PAK6: variants seen among roughly 807,000 people sequenced by gnomAD.
PAK6 encodes the protein p21 (RAC1) activated kinase 6.
A neutral mutation model predicts 60.8 loss-of-function variants in PAK6; 33 were observed. The observed-to-expected ratio is 0.54, with a 90% CI of 0.41 to 0.73. The LOEUF is 0.73. PAK6 is among the 30% of genes least tolerant of loss of function. The pLI is 0.00. For missense variants in PAK6, 845 were observed against 904.1 expected (o/e 0.93, Z 0.84); for synonymous variants, 404 against 378.5 (o/e 1.07, Z -0.78).
At position 40,240,590 on chromosome 15, in the gene PAK6, T is replaced by TTG; in HGVS notation, c.-200-9_-200-8insTG. The TTG allele has an allele frequency of 4.6e-6, 2 of 430,700 alleles. No individual in the cohort carries two copies. Among genetic ancestry groups the TTG allele is most frequent in the Non-Finnish European group, 9.1e-6 (2 of 219,830 alleles). 26.7% of individuals were successfully genotyped at this position (430,700 alleles called of 1,614,324 possible). A position where few individuals can be genotyped will look rare whatever the true frequency, so the allele number is the denominator to read the frequency against. On this transcript the variant is annotated splice_polypyrimidine_tract_variant and intron_variant, in intron 1 of 10. Transcript: ENST00000560346. ...TTTTTTTTTTTTTTTTTTTCTATTT[T>TTG]GCCTGAAGGGAGTGCCGCTTCCTGG... is the stretch of plus-strand genomic sequence containing the variant.
chr15:40,264,448 G>T, intron 3 of PAK6: 1 of 491,872 alleles, frequency 2.0e-6, no homozygotes, highest in Admixed American at 2.3e-5. Flanking sequence ...GACAGACAGT[G>T]GAATGATACT....
chr15:40,243,228 A>C (rs940485756), intron 2 of PAK6, among the ~76,000 whole-genome samples: 1 of 152,208 alleles, frequency 6.6e-6, no homozygotes, highest in East Asian at 1.9e-4. Context: ...ACAAAGGAAG[A>C]AGCAGCTTCT....
intron 3 of PAK6, among the ~76,000 whole-genome samples, chr15:40,264,148 T>C (rs910813273): frequency 6.6e-6 from 1 of 152,060 alleles, no homozygotes; most frequent in Non-Finnish European, 1.5e-5. Context: ...AGCATGTCTG[T>C]GATCAGCTGG....
rs555418845 is a variant in PAK6, at chr15:40,265,995, G to A, written c.358G>A (p.Glu120Lys). 1.1e-5 allele frequency: 17 copies of A among 1,601,670 alleles called. No homozygotes were observed. Among genetic ancestry groups the A allele is most frequent in the South Asian group, 4.5e-5 (4 of 89,740 alleles). The change falls in exon 5 of 11, where the codon GAG becomes AAG. Residue 120 changes from glutamate (E) to lysine (K), a missense_variant. Physicochemically the swap from Glu to Lys is moderately conservative, Grantham distance 56. Coordinates refer to ENST00000560346, the Ensembl canonical transcript of PAK6. The stretch of plus-strand genomic sequence containing the variant: ...ACAGTCCCTGGGGCTGCTGGGGGAT[G>A]AGCACTGGGCCACCGACCCAGACAT...
Position 40,275,280 on chromosome 15 carries a change from G to GTTTTTTTTTTTTTTGTTTT in PAK6, c.1879-633_1879-632insGTTTTTTTTTTTTTTTTTT, listed in dbSNP as rs1555389202. Among the ~76,000 whole-genome samples, 6 of 56,486 alleles carry GTTTTTTTTTTTTTTGTTTT rather than the reference G, an allele frequency of 1.1e-4. 1 individual carries two copies. Among genetic ancestry groups the GTTTTTTTTTTTTTTGTTTT allele is most frequent in the Admixed American group, 2.8e-4 (1 of 3,532 alleles). 37.1% of individuals were successfully genotyped at this position (56,486 alleles called of 152,430 possible). On this transcript the variant is annotated intron_variant, in intron 10 of 10. Coordinates refer to ENST00000560346, the Ensembl canonical transcript of PAK6. ...GACTTGTTTGTTTCTGTTGTTGTTG[G>GTTTTTTTTTTTTTTGTTTT]TTTTTTTTTTTTTTTTTTTTTTGGA...
chr15:40,268,390 C>A (rs2039206280), intron 5 of PAK6, among the ~76,000 whole-genome samples: 1 of 152,134 alleles, frequency 6.6e-6, no homozygotes, highest in African/African-American at 2.4e-5. Context: ...TTGGAATAAC[C>A]AAAAATGCCT....
chr15:40,253,171 C>T lies in PAK6; in HGVS notation c.-117-7C>T, dbSNP rs1250013072. The T allele has an allele frequency of 8.8e-6, 4 of 455,406 alleles. No homozygotes were observed. Among genetic ancestry groups the T allele is most frequent in the Non-Finnish European group, 1.8e-5 (4 of 226,582 alleles). The allele number at this position is 455,406 out of a possible 1,614,324, so 28.2% of individuals were successfully genotyped here. On this transcript the variant is annotated splice_polypyrimidine_tract_variant and splice_region_variant and intron_variant, in intron 2 of 10. Transcript: ENST00000560346. The stretch of plus-strand genomic sequence containing the variant: ...CCATAATGCATTTCTGATCTGTTTC[C>T]GCGCAGGCCTGCGGAGGACTGGCCC...
At chr15:40,269,431 G>A (rs1030256205) in intron 5 of PAK6, among the ~76,000 whole-genome samples, 1 of 152,234 alleles carries the variant, frequency 6.6e-6, no homozygotes, top group African/African-American at 2.4e-5. Flanking sequence ...CGGGAAATGA[G>A]GCATTGCTGT....
chr15:40,271,973 A>G (rs939397985), intron 5 of PAK6, among the ~76,000 whole-genome samples: 1 of 152,202 alleles, frequency 6.6e-6, no homozygotes, highest in Non-Finnish European at 1.5e-5. Flanking sequence ...TCCCAGGTGC[A>G]GCAGAGCGAG....
chr15:40,255,133 C>A (rs1348190999), intron 3 of PAK6, among the ~76,000 whole-genome samples: 1 of 152,190 alleles, frequency 6.6e-6, no homozygotes, highest in Non-Finnish European at 1.5e-5. Context: ...GCATAGGGTC[C>A]TAGCTAGGCA....
chr15:40,263,021 C>T (rs1487649724), intron 3 of PAK6, among the ~76,000 whole-genome samples: 2 of 152,192 alleles, frequency 1.3e-5, no homozygotes, highest in African/African-American at 4.8e-5. Context: ...CCTCAAGACC[C>T]AGAAGCATGG....
chr15:40,276,974 CCTGGGAGCTCAGG>C (rs2039474118), exon 11 of PAK6: 1 of 152,130 alleles, frequency 6.6e-6, no homozygotes, highest in Non-Finnish European at 1.5e-5. Flanking sequence ...GTCTAACACT[CCTGGGAGCTCAGG>C]AGGCTTCTGA....
At chr15:40,243,071 GC>G (rs1219316835) in intron 2 of PAK6, among the ~76,000 whole-genome samples, 1 of 152,182 alleles carries the variant, frequency 6.6e-6, no homozygotes, top group Non-Finnish European at 1.5e-5. Context: ...TCGTCCTTTT[GC>G]CAACTCTGGG....
chr15:40,255,385 C>T lies in PAK6; in HGVS notation c.-6+2096C>T, dbSNP rs563449701. Among the ~76,000 whole-genome samples, 4 of 152,310 alleles carry T rather than the reference C, an allele frequency of 2.6e-5. No homozygotes were observed. In the East Asian group the frequency reaches 5.8e-4, roughly 22 times the overall value. On this transcript the variant is annotated intron_variant, in intron 3 of 10. Transcript: ENST00000560346. ...GGCAGGTTGCATGTCATGCTGTCTG[C>T]CCTGGCCCATGCTGCATCTGTCTGG...
At chr15:40,265,460 C>CCT (rs2140979747) in intron 4 of PAK6, among the ~76,000 whole-genome samples, 1 of 152,292 alleles carries the variant, frequency 6.6e-6, no homozygotes, top group African/African-American at 2.4e-5. Context: ...GAGCCCCCGG[C>CCT]CTGGTGTCTC....
chr15:40,270,304 G>A lies in PAK6; in HGVS notation c.859-1920G>A, dbSNP rs139630841. ...GCCCTCCCAGAGGCTCCCTGAGGCC[G>A]TAAGATCATACTGCCCACTTATGCA... is the stretch of plus-strand genomic sequence containing the variant. On this transcript the variant is annotated intron_variant, in intron 5 of 10. Transcript: ENST00000560346. 8.1e-4 allele frequency among the ~76,000 whole-genome samples: 124 copies of A among 152,274 alleles called. 1 individual carries two copies. The highest frequency in any genetic ancestry group is 2.7e-3 in the African/African-American group (114 of 41,548).
At chr15:40,247,910 G>C (rs554039391) in intron 2 of PAK6, among the ~76,000 whole-genome samples, 74 of 152,264 alleles carry the variant, frequency 4.9e-4, no homozygotes, top group Non-Finnish European at 7.9e-4. Context: ...GTCGGGGAGG[G>C]GAGCTTTCTC....
In PAK6 at chr15:40,265,007, G is replaced by GGAT. The variant is rs2039082953; in HGVS notation, c.204+21_204+23dup. Reference sequence around the variant, plus strand: ...CCATGAAGGTAAGAGGGGCCGGCAGGGATGAGGTTCAGCCTCTCCCAGTAC... The same window carrying GGAT: ...CCATGAAGGTAAGAGGGGCCGGCAGGGATGATGAGGTTCAGCCTCTCCCAGTAC... On this transcript the variant is annotated intron_variant, in intron 4 of 10. Coordinates refer to ENST00000560346, the Ensembl canonical transcript of PAK6. The GGAT allele has an allele frequency of 3.7e-6, 6 of 1,608,774 alleles. No individual in the cohort carries two copies. The highest frequency in any genetic ancestry group is 4.2e-6 in the Non-Finnish European group (5 of 1,177,298).
At position 40,275,370 on chromosome 15, in the gene PAK6, C is replaced by T. The variant is rs533449296; in HGVS notation, c.1879-557C>T. Among the ~76,000 whole-genome samples the T allele has an allele frequency of 1.9e-4, 27 of 143,858 alleles. No individual in the cohort carries two copies. In the Admixed American group the frequency reaches 1.9e-3, roughly 10 times the overall value. The allele number at this position is 143,858 out of a possible 152,430, so 94.4% of individuals were successfully genotyped here. On this transcript the variant is annotated intron_variant, in intron 10 of 10. Coordinates refer to ENST00000560346, the Ensembl canonical transcript of PAK6. The stretch of plus-strand genomic sequence containing the variant: ...GTGCGATCTCAGCTCACTGCAACCT[C>T]CGCCTCCTGGGTTCAAGCAATTCTC...
Sources: allele counts gnomAD v4.1 joint callset (sites outside exome capture counted in the v4.1 genomes callset), GRCh38; gene constraint gnomAD v4.1.1; transcripts MANE v1.5; gene names NCBI Gene and HGNC (gene_info 2026-07-23, HGNC 2026-07-21).